Variants in CUX1 observed in about 807,000 individuals in gnomAD.
The protein encoded by CUX1 is protein CASP.
CUX1 carries 31 observed loss-of-function variants against 158.8 expected under a neutral mutation model. The observed-to-expected ratio is 0.20, with a 90% CI of 0.15 to 0.26. The LOEUF is 0.26. CUX1 is among the 10% of genes least tolerant of loss of function. The probability of loss-of-function intolerance (pLI) is 1.00; values close to 1 mark genes in which losing one functional copy is unlikely to be tolerated. For missense variants in CUX1, 1,589 were observed against 2,014.6 expected (o/e 0.79, Z 4.04); for synonymous variants, 879 against 862.1 (o/e 1.02, Z -0.34).
chr7:101,909,373 G>C (rs1442879874), intron 1 of CUX1, among the ~76,000 whole-genome samples: 1 of 152,228 alleles, frequency 6.6e-6, no homozygotes, highest in Non-Finnish European at 1.5e-5. Flanking sequence ...TGTTTGAAGC[G>C]TCTTGGGATG....
chr7:102,178,586 C>G lies in CUX1; in HGVS notation c.946C>G (p.Leu316Val). 6.2e-7 allele frequency: 1 copy of G among 1,612,324 alleles called. No individual in the cohort carries two copies. Among genetic ancestry groups the G allele is most frequent in the Non-Finnish European group, 8.5e-7 (1 of 1,179,230 alleles). The change falls in exon 11 of 24, where the codon CTG becomes GTG. Residue 316 changes from leucine (L) to valine (V), a missense_variant. By Grantham distance (32) the Leu-to-Val change is conservative. Coordinates refer to ENST00000292535, the MANE Select transcript of CUX1 (RefSeq NM_181552.4). ...GAGACTCCAGGCCAGCCTCACCAAGCTGCGGGAGAATTCGGCCAGCCAGAT... is the reference window on the plus strand; with the variant it reads ...GAGACTCCAGGCCAGCCTCACCAAGGTGCGGGAGAATTCGGCCAGCCAGAT... The part of the protein sequence containing the change: ...VQRLQASLTK[L>V]RENSASQISQ...
At chr7:101,827,958 C>A (rs1445557928) in intron 1 of CUX1, among the ~76,000 whole-genome samples, 1 of 147,192 alleles carries the variant, frequency 6.8e-6, no homozygotes, top group Admixed American at 6.8e-5. Context: ...GAAGCAGGCC[C>A]AATTGGTATA....
At chr7:101,892,697 A>G (rs373027605) in intron 1 of CUX1, among the ~76,000 whole-genome samples, 1 of 152,052 alleles carries the variant, frequency 6.6e-6, no homozygotes, top group Non-Finnish European at 1.5e-5. Flanking sequence ...TTGCCAAAAT[A>G]CTTTTTTTCA....
At chr7:101,946,417 G>A (rs567853476) in intron 2 of CUX1, among the ~76,000 whole-genome samples, 48 of 152,166 alleles carry the variant, frequency 3.2e-4, no homozygotes, top group African/African-American at 1.1e-3. Context: ...GGTGGTGTGC[G>A]TCTGTAATTC....
At chr7:101,879,690 C>T (rs2131546420) in intron 1 of CUX1, among the ~76,000 whole-genome samples, 1 of 152,272 alleles carries the variant, frequency 6.6e-6, no homozygotes, top group South Asian at 2.1e-4. Context: ...CTTTTGTGGC[C>T]TTGCCTTCTT....
chr7:102,044,841 A>G (rs58414903), intron 3 of CUX1, among the ~76,000 whole-genome samples: 33,544 of 151,948 alleles, frequency 0.22, 4,411 homozygotes, highest in African/African-American at 0.38. Flanking sequence ...TGTGGAGCAG[A>G]CCAGGCACTC....
chr7:101,984,146 ATATG>A (rs1224658027), intron 2 of CUX1, among the ~76,000 whole-genome samples: 1,102 of 74,352 alleles, frequency 0.015, 89 homozygotes, highest in Non-Finnish European at 0.024. Context: ...ACACATATAT[ATATG>A]TGTGTGTGTG....
chr7:101,867,046 C>T (rs1038742165), intron 1 of CUX1, among the ~76,000 whole-genome samples: 15 of 152,172 alleles, frequency 9.9e-5, no homozygotes, highest in South Asian at 8.3e-4. Context: ...CATGGCGAAA[C>T]GCCATCTCTA....
intron 1 of CUX1, among the ~76,000 whole-genome samples, chr7:101,905,503 G>C (rs1273845093): frequency 6.6e-6 from 1 of 152,172 alleles, no homozygotes; most frequent in East Asian, 1.9e-4. Context: ...GTTCACGCTG[G>C]TCCCTTGGAT....
At chr7:101,839,610 T>C (rs1364430134) in intron 1 of CUX1, among the ~76,000 whole-genome samples, 1 of 152,240 alleles carries the variant, frequency 6.6e-6, no homozygotes, top group African/African-American at 2.4e-5. Flanking sequence ...AAGCCTCATT[T>C]TATACTTGTC....
At chr7:102,150,978 C>A (rs2131499474) in intron 8 of CUX1, among the ~76,000 whole-genome samples, 1 of 152,258 alleles carries the variant, frequency 6.6e-6, no homozygotes, top group Admixed American at 6.5e-5. Flanking sequence ...TTATTACAGA[C>A]TTTGGAAAAT....
chr7:101,833,585 A>AG lies in CUX1; in HGVS notation c.30+15916_30+15917insG, dbSNP rs1258378409. ...CTTAAAAAAAAAAAAAAAAAAAAAAAAGAATCCAAAAGCAAGCTTATGGAG... is the reference window on the plus strand; with the variant it reads ...CTTAAAAAAAAAAAAAAAAAAAAAAAGAGAATCCAAAAGCAAGCTTATGGAG... On this transcript the variant is annotated intron_variant, in intron 1 of 23. Coordinates refer to ENST00000292535, the MANE Select transcript of CUX1 (RefSeq NM_181552.4). 4.6e-5 allele frequency among the ~76,000 whole-genome samples: 7 copies of AG among 150,936 alleles called. No individual in the cohort carries two copies. In the East Asian group the frequency reaches 1.4e-3, roughly 29 times the overall value.
At chr7:101,839,171 A>G (rs1192295740) in intron 1 of CUX1, among the ~76,000 whole-genome samples, 3 of 152,150 alleles carry the variant, frequency 2.0e-5, no homozygotes, top group Non-Finnish European at 4.4e-5. Flanking sequence ...GTACCATCAT[A>G]TTGGAGGCTG....
intron 2 of CUX1, among the ~76,000 whole-genome samples, chr7:101,947,958 C>T (rs1249906003): frequency 1.3e-5 from 2 of 152,178 alleles, no homozygotes; most frequent in African/African-American, 2.4e-5. Flanking sequence ...ATTTCTGTTG[C>T]ACCTGATCTC....
rs566296630 is a variant in CUX1 at position 102,006,429 on chromosome 7, C to T, written c.142-21669C>T. Among the ~76,000 whole-genome samples the T allele has an allele frequency of 6.3e-4, 96 of 152,182 alleles. 2 individuals carry two copies. In the South Asian group the frequency reaches 0.019, roughly 30 times the overall value. ...TTTCTTTCTTTGAGACAGAGTCTCG[C>T]GCTATCACCCACGCTAGAGTGAAAT... On this transcript the variant is annotated intron_variant, in intron 2 of 23. Transcript: ENST00000292535.
chr7:101,984,129 TAC>T (rs56087090), intron 2 of CUX1, among the ~76,000 whole-genome samples: 2,654 of 28,392 alleles, frequency 0.093, 151 homozygotes, highest in South Asian at 0.19. Context: ...TATATATATA[TAC>T]ACACACACAT....
intron 2 of CUX1, among the ~76,000 whole-genome samples, chr7:102,027,527 T>G (rs1820185615): frequency 2.6e-5 from 4 of 151,962 alleles, no homozygotes; most frequent in Admixed American, 2.6e-4. Context: ...TGTAGCACAT[T>G]CAAAATGAGG....
Position 102,092,936 on chromosome 7 carries a change from AG to A in CUX1, c.269-4427del, listed in dbSNP as rs1563230535. 7.0e-4 allele frequency among the ~76,000 whole-genome samples: 34 copies of A among 48,614 alleles called. 1 individual carries two copies. The highest frequency in any genetic ancestry group is 0.011 in the Middle Eastern group (1 of 88). 31.9% of individuals were successfully genotyped at this position (48,614 alleles called of 152,430 possible). A position where few individuals can be genotyped will look rare whatever the true frequency, so the allele number is the denominator to read the frequency against. Reference sequence around the variant, plus strand: ...TCAAAAAAAAAAAAAAAAAAAAGAAAGAAAGAAAAGAAAAAAAGAGCTCCTT... The same window carrying A: ...TCAAAAAAAAAAAAAAAAAAAAGAAAAAAGAAAAGAAAAAAAGAGCTCCTT... On this transcript the variant is annotated intron_variant, in intron 4 of 23. Transcript: ENST00000292535.
chr7:102,094,998 T>C (rs1829027205), intron 4 of CUX1, among the ~76,000 whole-genome samples: 3 of 151,658 alleles, frequency 2.0e-5, no homozygotes, highest in South Asian at 4.2e-4. Flanking sequence ...CTCCCCAAGA[T>C]AGCATTTTTT....
Sources: gnomAD v4.1 joint callset for allele counts (sites outside exome capture counted in the v4.1 genomes callset) on GRCh38, gnomAD v4.1.1 for gene constraint, MANE v1.5 for transcripts, NCBI Gene and HGNC (gene_info 2026-07-23, HGNC 2026-07-21) for gene names.